CCDC180: variants seen among roughly 807,000 people sequenced by gnomAD.
The protein encoded by CCDC180 is coiled-coil domain containing 180.
In CCDC180, 154 loss-of-function variants were observed where a neutral mutation model predicts 209.2. That is an observed-to-expected ratio of 0.74 (90% CI 0.65 to 0.84). The LOEUF (loss-of-function observed/expected upper bound fraction) is 0.84. CCDC180 is among the 40% of genes least tolerant of loss of function. The pLI, the probability that CCDC180 is intolerant of heterozygous loss-of-function variation, is 0.00. For missense variants in CCDC180, 1,874 were observed against 1,997.3 expected (o/e 0.94, Z 1.18); for synonymous variants, 778 against 749.1 (o/e 1.04, Z -0.63).
At chr9:97,355,232 G>A (rs1826544600) in intron 24 of CCDC180, among the ~76,000 whole-genome samples, 1 of 152,018 alleles carries the variant, frequency 6.6e-6, no homozygotes, top group Admixed American at 6.5e-5. Flanking sequence ...ACAGCTCACT[G>A]TAGCCTCAAC....
Position 97,343,348 on chromosome 9 carries a change from C to A in CCDC180, c.2283C>A (p.Asp761Glu). 1 of 1,604,344 alleles carries A rather than the reference C, an allele frequency of 6.2e-7. No individual in the cohort carries two copies. Residue 761 changes from aspartate to glutamate, a missense_variant, in exon 19 of 37, where the codon GAC becomes GAA. Asp to Glu is a conservative substitution (Grantham distance 45, BLOSUM62 2). Coordinates refer to ENST00000529487, the MANE Select transcript of CCDC180 (RefSeq NM_020893.6). ...QESLSVGEEE[D>E]KEEGLEEIYY... ...TGTTATTGCCTGCTTAGGAAGAAGA[C>A]AAGGAAGAGGGTCTAGAGGAGATAT...
rs1005928254 is a variant in CCDC180 at position 97,378,617 on chromosome 9, G to C, written c.*1723G>C. ...GTGGGACACTGTCATTTAAACAGCTGCAGAGTGTTCCCACTGCCTGGGGAA... is the reference window on the plus strand; with the variant it reads ...GTGGGACACTGTCATTTAAACAGCTCCAGAGTGTTCCCACTGCCTGGGGAA... On this transcript the variant is annotated 3_prime_UTR_variant, in exon 37 of 37. Coordinates refer to ENST00000529487, the MANE Select transcript of CCDC180 (RefSeq NM_020893.6). 3 of 152,242 alleles carry C rather than the reference G, an allele frequency of 2.0e-5. No individual in the cohort carries two copies. The highest frequency in any genetic ancestry group is 6.5e-5 in the Admixed American group (1 of 15,292). The allele number at this position is 152,242 out of a possible 1,614,324, so 9.4% of individuals were successfully genotyped here. A position where few individuals can be genotyped will look rare whatever the true frequency, so the allele number is the denominator to read the frequency against.
chr9:97,361,682 T>G (rs756098701), intron 26 of CCDC180, 44 bp from the exon 27 acceptor site: 61 of 1,598,074 alleles, frequency 3.8e-5, no homozygotes, highest in Non-Finnish European at 5.2e-5. Flanking sequence ...CGCTGGCACC[T>G]GGGCTGGTCC....
chr9:97,351,974 AT>A (rs999083048), intron 22 of CCDC180, among the ~76,000 whole-genome samples: 2 of 152,120 alleles, frequency 1.3e-5, no homozygotes, highest in African/African-American at 4.8e-5. Flanking sequence ...TTAGCTGGGC[AT>A]GGTGGCAGAT....
chr9:97,310,654 C>T (rs772645152), intron 3 of CCDC180, among the ~76,000 whole-genome samples: 2 of 152,114 alleles, frequency 1.3e-5, no homozygotes, highest in South Asian at 2.1e-4. Flanking sequence ...AGCAGGCCTC[C>T]GCTGCCTGTC....
rs777585770 is a variant in CCDC180 at position 97,349,112 on chromosome 9, C to G, written c.2676C>G (p.Ala892=). The change falls in exon 21 of 37, where the codon GCC becomes GCG. Residue 892 remains alanine, a splice_region_variant and synonymous_variant. Coordinates refer to ENST00000529487, the MANE Select transcript of CCDC180 (RefSeq NM_020893.6). Reference sequence around the variant, plus strand: ...CCAGCTCTCTTAATCCTTTTTCAGCCGAGCTTTTGCTTCATCAAGAGCAGT... The same window carrying G: ...CCAGCTCTCTTAATCCTTTTTCAGCGGAGCTTTTGCTTCATCAAGAGCAGT... ...IEKDIHNVRA[A]ELLLHQEQLD... 1 of 1,534,264 alleles carries G rather than the reference C, an allele frequency of 6.5e-7. No homozygotes were observed. Among genetic ancestry groups the G allele is most frequent in the Admixed American group, 2.0e-5 (1 of 50,560 alleles).
In CCDC180 at chr9:97,330,308, T is replaced by G; in HGVS notation, c.1829-14T>G. The stretch of plus-strand genomic sequence containing the variant: ...AATTGTCTCTCCTTGTGCTTTGGTG[T>G]TTATCATCAACAGAAGCACATGAAA... On this transcript the variant is annotated splice_polypyrimidine_tract_variant and intron_variant, in intron 17 of 36. Coordinates refer to ENST00000529487, the MANE Select transcript of CCDC180 (RefSeq NM_020893.6). 1 of 1,612,792 alleles carries G rather than the reference T, an allele frequency of 6.2e-7. No individual in the cohort carries two copies. Among genetic ancestry groups the G allele is most frequent in the Middle Eastern group, 1.7e-4 (1 of 6,056 alleles).
chr9:97,313,781 C>T (rs1327832604), intron 5 of CCDC180, among the ~76,000 whole-genome samples: 1 of 152,196 alleles, frequency 6.6e-6, no homozygotes, highest in South Asian at 2.1e-4. Context: ...TCTCATTCCT[C>T]TCCAGAGACC....
chr9:97,322,701 C>T (rs1833398814), intron 11 of CCDC180, 132 bp from the exon 12 acceptor site: 1 of 735,402 alleles, frequency 1.4e-6, no homozygotes, highest in Admixed American at 2.1e-5. Context: ...CCCCTGATCT[C>T]AATCGGGACC....
intron 18 of CCDC180, among the ~76,000 whole-genome samples, chr9:97,341,438 G>A (rs2118763319): frequency 6.6e-6 from 1 of 152,316 alleles, no homozygotes; most frequent in African/African-American, 2.4e-5. Context: ...AGGTCCCTCA[G>A]CTGCAGGTCT....
At position 97,366,431 on chromosome 9, in the gene CCDC180, C is replaced by A; in HGVS notation, c.4048-128C>A. On this transcript the variant is annotated intron_variant, in intron 30 of 36. Transcript: ENST00000529487. The surrounding 1 kb of genome is among the most constrained non-coding windows in gnomAD (Gnocchi z 4.3). ...GGGAAGGAGGAGTGTCTGCTCGTGT[C>A]ACTTCCACAGGGGATGCCACGAGCA... 1 of 941,634 alleles carries A rather than the reference C, an allele frequency of 1.1e-6. No individual in the cohort carries two copies. The highest frequency in any genetic ancestry group is 1.6e-6 in the Non-Finnish European group (1 of 632,912). 58.3% of individuals were successfully genotyped at this position (941,634 alleles called of 1,614,324 possible).
chr9:97,354,471 A>T (rs1348188666), intron 22 of CCDC180, 98 bp from the exon 23 acceptor site: 1 of 1,214,646 alleles, frequency 8.2e-7, no homozygotes, highest in Non-Finnish European at 1.2e-6. Context: ...CTCTAACCGG[A>T]AGCCTAGATT....
intron 12 of CCDC180, 45 bp downstream of exon 12, chr9:97,322,966 G>T: frequency 6.5e-7 from 1 of 1,532,972 alleles, no homozygotes; most frequent in Non-Finnish European, 9.0e-7. Context: ...TCCTGGGCAG[G>T]ACCTGAAGTG....
chr9:97,322,796 C>A (rs1218667732), intron 11 of CCDC180, 37 bp from the exon 12 acceptor site: 8 of 1,587,150 alleles, frequency 5.0e-6, no homozygotes, highest in Non-Finnish European at 6.9e-6. Flanking sequence ...TCTTCTCTTC[C>A]TTCTGGACTG....
chr9:97,308,149 G>T lies in CCDC180; in HGVS notation c.69+17G>T. ...CAGGCTGAGGTAGGAGCCGCCCTCT[G>T]TCCCGCTTTTCTCCATCCCCCTTCC... On this transcript the variant is annotated intron_variant, in intron 2 of 36. Coordinates refer to ENST00000529487, the MANE Select transcript of CCDC180 (RefSeq NM_020893.6). The T allele has an allele frequency of 1.3e-6, 2 of 1,564,334 alleles. No individual in the cohort carries two copies. The highest frequency in any genetic ancestry group is 1.4e-5 in the African/African-American group (1 of 73,456).
At chr9:97,359,539 T>C (rs1826689408) in intron 25 of CCDC180, among the ~76,000 whole-genome samples, 2 of 152,094 alleles carry the variant, frequency 1.3e-5, no homozygotes, top group South Asian at 4.1e-4. Flanking sequence ...GTGTTAGACA[T>C]TGCCATGGAG....
chr9:97,338,317 C>G (rs1020389728), intron 18 of CCDC180, among the ~76,000 whole-genome samples: 2 of 152,218 alleles, frequency 1.3e-5, no homozygotes, highest in Admixed American at 1.3e-4. Flanking sequence ...AAATTTCCCT[C>G]TACACGCTGC....
intron 5 of CCDC180, 46 bp from the exon 6 acceptor site, chr9:97,314,347 C>T (rs1833085791): frequency 6.2e-7 from 1 of 1,611,476 alleles, no homozygotes; most frequent in African/African-American, 1.3e-5. Flanking sequence ...TCCCTCCTTC[C>T]CAGGGGTGCT....
chr9:97,340,831 A>T (rs1587811579), intron 18 of CCDC180, among the ~76,000 whole-genome samples: 1 of 152,128 alleles, frequency 6.6e-6, no homozygotes. Context: ...TTTAGAGAAG[A>T]GTCTGCTCCT....
Sources: gnomAD v4.1 joint callset for allele counts (sites outside exome capture counted in the v4.1 genomes callset) on GRCh38, gnomAD v4.1.1 for gene constraint, Gnocchi (gnomAD v3.1) non-coding constraint, MANE v1.5 for transcripts, NCBI Gene and HGNC (gene_info 2026-07-23, HGNC 2026-07-21) for gene names.